ZBTB20: variants seen among roughly 807,000 people sequenced by gnomAD.
The protein encoded by ZBTB20 is zinc finger and BTB domain containing 20, also known as zinc finger and BTB domain-containing protein 20.
ZBTB20 carries 9 observed loss-of-function variants against 56.9 expected under a neutral mutation model. The observed-to-expected ratio is 0.16, with a 90% CI of 0.10 to 0.28. ZBTB20 has a LOEUF of 0.28. Among genes scored for constraint, ZBTB20 ranks in the 10% least tolerant of loss-of-function variants. The probability of loss-of-function intolerance (pLI) is 1.00; values close to 1 mark genes in which losing one functional copy is unlikely to be tolerated. For missense variants in ZBTB20, 655 were observed against 1,003.0 expected, an observed-to-expected ratio of 0.65 and a Z score of 4.69; for synonymous variants, 417 against 420.7, an observed-to-expected ratio of 0.99 and a Z score of 0.11.
rs2080595980 is a variant in ZBTB20, at chr3:114,350,770, G to C, written c.1308C>G (p.Ser436Arg). The C allele has an allele frequency of 6.2e-7, 1 of 1,614,116 alleles. No homozygotes were observed. Among genetic ancestry groups the C allele is most frequent in the African/African-American group, 1.3e-5 (1 of 75,042 alleles). ...LETGASSPERSNEVEMDSTVI... is the reference protein window; with the variant it reads ...LETGASSPERRNEVEMDSTVI... ...CAGTGCTGTCCATCTCCACTTCATT[G>C]CTTCTCTCCGGAGAGGAAGCACCTG... The change falls in exon 11 of 12, where the codon AGC becomes AGG. Residue 436 changes from serine (S) to arginine (R), a missense_variant. Physicochemically the swap from Ser to Arg is moderately radical, Grantham distance 110. This residue lies in a region of ZBTB20 where 156 missense variants were observed against 181.0 expected (regional missense o/e 0.86). Coordinates refer to ENST00000675478, the MANE Select transcript of ZBTB20 (RefSeq NM_001348800.3).
At position 115,092,013 on chromosome 3, in the gene ZBTB20, G is replaced by A. The variant is rs939418371; in HGVS notation, c.-702-20599C>T. 3.9e-5 allele frequency among the ~76,000 whole-genome samples: 6 copies of A among 152,056 alleles called. No individual in the cohort carries two copies. The South Asian group carries it at 6.2e-4, about 16-fold the overall frequency. On this transcript the variant is annotated intron_variant, in intron 1 of 11. Transcript: ENST00000675478. ...TGACCGAGCTTAAGTGAGTATCTCT[G>A]ACAATCCCTGTCTTCTCCATTTCCA...
At chr3:114,497,110 T>C (rs1188746066) in intron 7 of ZBTB20, among the ~76,000 whole-genome samples, 2 of 152,228 alleles carry the variant, frequency 1.3e-5, no homozygotes, top group African/African-American at 4.8e-5. Flanking sequence ...GGCCAAGATA[T>C]GCTGGAATTA....
chr3:115,089,769 GATTAA>G (rs1220695584), intron 1 of ZBTB20, among the ~76,000 whole-genome samples: 2 of 151,748 alleles, frequency 1.3e-5, no homozygotes, highest in Non-Finnish European at 1.5e-5. Flanking sequence ...TGTATGCAAA[GATTAA>G]ATTAAACAGT....
At position 114,332,058 on chromosome 3, in the gene ZBTB20, GTTTTTTTT is replaced by G. The variant is rs71146316; in HGVS notation, c.*6939_*6946del. The G allele has an allele frequency of 6.1e-4, 52 of 85,412 alleles. No homozygotes were observed. The highest frequency in any genetic ancestry group is 2.1e-3 in the African/African-American group (48 of 22,998). The allele number at this position is 85,412 out of a possible 1,614,324, so 5.3% of individuals were successfully genotyped here. A position where few individuals can be genotyped will look rare whatever the true frequency, so the allele number is the denominator to read the frequency against. On this transcript the variant is annotated 3_prime_UTR_variant, in exon 12 of 12. Coordinates refer to ENST00000675478, the MANE Select transcript of ZBTB20 (RefSeq NM_001348800.3). ...ACTAGTAGAAACAGATGCCCCCAAGGTTTTTTTTTTTTTTTTTTTTTTTTTCTCTCTTG... is the reference window on the plus strand; with the variant it reads ...ACTAGTAGAAACAGATGCCCCCAAGGTTTTTTTTTTTTTTTTTCTCTCTTG...
intron 6 of ZBTB20, among the ~76,000 whole-genome samples, chr3:114,660,116 T>C (rs1016769801): frequency 2.6e-5 from 4 of 151,996 alleles, no homozygotes; most frequent in Admixed American, 2.6e-4. Flanking sequence ...TTTAAGAAAA[T>C]AAAAAATAAA....
At chr3:114,596,207 C>A (rs1319044324) in intron 6 of ZBTB20, among the ~76,000 whole-genome samples, 1 of 151,812 alleles carries the variant, frequency 6.6e-6, no homozygotes, top group Non-Finnish European at 1.5e-5. Context: ...CAATTTTGGC[C>A]CAAATATCAT....
rs201605235 is a variant in ZBTB20, at chr3:114,498,881, G to A, written c.-255+1471C>T. ...CCTGTACTGCTTGTGTCTGAGGCTC[G>A]CCCTATAGCACTGACGTCACAATAG... On this transcript the variant is annotated intron_variant, in intron 7 of 11. Transcript: ENST00000675478. Among the ~76,000 whole-genome samples the A allele has an allele frequency of 5.3e-5, 8 of 152,130 alleles. No individual in the cohort carries two copies. The East Asian group carries it at 7.7e-4, about 15-fold the overall frequency.
intron 6 of ZBTB20, among the ~76,000 whole-genome samples, chr3:114,677,022 C>T (rs1183414573): frequency 2.6e-5 from 4 of 151,998 alleles, no homozygotes; most frequent in African/African-American, 9.7e-5. Context: ...ATGCCTGCCT[C>T]GGCCTCCCAA....
intron 3 of ZBTB20, chr3:114,930,731 C>T (rs1328020711): frequency 2.6e-5 from 6 of 233,920 alleles, no homozygotes; most frequent in Middle Eastern, 1.9e-3. Flanking sequence ...TTCATCTATG[C>T]GAATGGCACC....
At chr3:114,825,487 G>T (rs2073477119) in intron 4 of ZBTB20, among the ~76,000 whole-genome samples, 1 of 151,864 alleles carries the variant, frequency 6.6e-6, no homozygotes, top group Non-Finnish European at 1.5e-5. Flanking sequence ...CCAGAAGGGG[G>T]TTCCACTTCC....
intron 2 of ZBTB20, among the ~76,000 whole-genome samples, chr3:115,029,094 A>G (rs1576601634): frequency 2.0e-5 from 3 of 150,038 alleles, no homozygotes; most frequent in Non-Finnish European, 1.5e-5. Context: ...CACACCAAAA[A>G]CAGCCATTTA....
At chr3:114,456,754 T>G (rs2092045310) in intron 7 of ZBTB20, among the ~76,000 whole-genome samples, 1 of 152,196 alleles carries the variant, frequency 6.6e-6, no homozygotes, top group Non-Finnish European at 1.5e-5. Flanking sequence ...GAGGTGCTTA[T>G]GAAGAGAACA....
At chr3:114,713,066 A>T (rs2064204485) in intron 5 of ZBTB20, among the ~76,000 whole-genome samples, 1 of 152,208 alleles carries the variant, frequency 6.6e-6, no homozygotes, top group African/African-American at 2.4e-5. Flanking sequence ...GATGATTAAG[A>T]ATTAATCAGT....
intron 4 of ZBTB20, among the ~76,000 whole-genome samples, chr3:114,854,727 C>T (rs2075160342): frequency 6.6e-6 from 1 of 152,178 alleles, no homozygotes; most frequent in African/African-American, 2.4e-5. Flanking sequence ...TCTTGGATTT[C>T]ATCAAATCTC....
chr3:114,623,461 A>C (rs1271472899), intron 6 of ZBTB20, among the ~76,000 whole-genome samples: 2 of 152,186 alleles, frequency 1.3e-5, no homozygotes, highest in Non-Finnish European at 2.9e-5. Context: ...CCAAATAAGG[A>C]TTCTCATTGC....
intron 3 of ZBTB20, among the ~76,000 whole-genome samples, chr3:114,949,305 A>T (rs931399037): frequency 3.4e-5 from 5 of 146,458 alleles, no homozygotes; most frequent in Admixed American, 6.6e-5. Context: ...TTTTAATGGC[A>T]AACAATAAAG....
chr3:114,734,239 T>C (rs1416424226), intron 5 of ZBTB20, among the ~76,000 whole-genome samples: 1 of 151,786 alleles, frequency 6.6e-6, no homozygotes, highest in Non-Finnish European at 1.5e-5. Flanking sequence ...GCAATTGTGA[T>C]AAAAATGACA....
intron 5 of ZBTB20, among the ~76,000 whole-genome samples, chr3:114,731,357 G>C (rs1294592607): frequency 1.3e-5 from 2 of 152,042 alleles, no homozygotes; most frequent in Non-Finnish European, 2.9e-5. Flanking sequence ...AAAATATAAA[G>C]GCAATATCTT....
chr3:114,659,946 G>A (rs575100495), intron 6 of ZBTB20, among the ~76,000 whole-genome samples: 1 of 151,906 alleles, frequency 6.6e-6, no homozygotes, highest in South Asian at 2.1e-4. Context: ...GGTAGAAAAG[G>A]GAAATGATTC....
Sources: allele counts gnomAD v4.1 joint callset (sites outside exome capture counted in the v4.1 genomes callset), GRCh38; gene constraint gnomAD v4.1.1; regional missense constraint gnomAD v4.1.1; transcripts MANE v1.5; gene names NCBI Gene and HGNC (gene_info 2026-07-23, HGNC 2026-07-21).